FGF2: variants seen among roughly 807,000 people sequenced by gnomAD.
FGF2 encodes the protein basic fibroblast growth factor bFGF.
In FGF2, 13 loss-of-function variants were observed where a neutral mutation model predicts 15.9. The ratio of observed to expected loss-of-function variants is 0.82; its 90% CI spans 0.53 to 1.30. The LOEUF (loss-of-function observed/expected upper bound fraction) is 1.30, where lower values mean the gene tolerates loss of function less well. Among genes scored for constraint, FGF2 ranks in the 50% most tolerant of loss-of-function variants. FGF2 has a pLI of 0.00. For missense variants in FGF2, 163 were observed against 196.9 expected (o/e 0.83, Z 1.03); for synonymous variants, 90 against 78.4 (o/e 1.15, Z -0.78).
rs555465629 is a variant in FGF2, at chr4:122,890,316, A to G, written c.283-1895A>G. On this transcript the variant is annotated intron_variant, in intron 2 of 2. Coordinates refer to ENST00000644866, the MANE Select transcript of FGF2 (RefSeq NM_001361665.2). ...ACAGCACAAGACAGTCCTGTGTTTC[A>G]TATAGCTGGGTCCTGTCAATGTGTG... Among the ~76,000 whole-genome samples the G allele has an allele frequency of 1.3e-3, 191 of 152,338 alleles. 1 individual carries two copies. Among genetic ancestry groups the G allele is most frequent in the African/African-American group, 4.4e-3 (184 of 41,590 alleles).
intron 1 of FGF2, among the ~76,000 whole-genome samples, chr4:122,835,875 C>T (rs1725855708): frequency 1.3e-5 from 2 of 152,190 alleles, no homozygotes. Context: ...ATAACGATTA[C>T]TGTCACAATG....
chr4:122,832,433 C>T lies in FGF2; in HGVS notation c.178+5081C>T, dbSNP rs189876376. On this transcript the variant is annotated intron_variant, in intron 1 of 2. Transcript: ENST00000644866. ...CTAATTTTTGCATTTTTAGTAGAGA[C>T]GGGATTTCACCATGAATTTTCCTGG... is the stretch of plus-strand genomic sequence containing the variant. Among the ~76,000 whole-genome samples the T allele has an allele frequency of 4.1e-3, 529 of 129,218 alleles. 4 individuals are homozygous for T. The highest frequency in any genetic ancestry group is 4.4e-3 in the Non-Finnish European group (292 of 66,760). The allele number at this position is 129,218 out of a possible 152,430, so 84.8% of individuals were successfully genotyped here.
intron 1 of FGF2, among the ~76,000 whole-genome samples, chr4:122,837,822 C>T (rs1455249303): frequency 1.3e-5 from 2 of 152,076 alleles, no homozygotes; most frequent in African/African-American, 4.8e-5. Flanking sequence ...TTCATCTAAG[C>T]TTTTCTCCGA....
At chr4:122,890,564 A>ATTAG (rs1727146774) in intron 2 of FGF2, among the ~76,000 whole-genome samples, 1 of 152,224 alleles carries the variant, frequency 6.6e-6, no homozygotes, top group Admixed American at 6.5e-5. Flanking sequence ...GCTGAGACAC[A>ATTAG]TTAGTCACTT....
chr4:122,834,209 G>C (rs1254990478), intron 1 of FGF2, among the ~76,000 whole-genome samples: 2 of 152,248 alleles, frequency 1.3e-5, no homozygotes, highest in African/African-American at 4.8e-5. Flanking sequence ...CCTGCAAAGG[G>C]CGTGAACTTC....
intron 1 of FGF2, among the ~76,000 whole-genome samples, chr4:122,870,248 A>C (rs756533304): frequency 9.2e-5 from 14 of 152,126 alleles, no homozygotes; most frequent in Non-Finnish European, 1.9e-4. Context: ...CATTTTATTG[A>C]GGATTTTCAC....
chr4:122,837,503 T>C (rs1725890859), intron 1 of FGF2, among the ~76,000 whole-genome samples: 1 of 152,254 alleles, frequency 6.6e-6, no homozygotes, highest in African/African-American at 2.4e-5. Context: ...TTTAATCCAA[T>C]ACTTGCTGCA....
At position 122,827,494 on chromosome 4, in the gene FGF2, G is replaced by A; in HGVS notation, c.178+142G>A. On this transcript the variant is annotated intron_variant, in intron 1 of 2. Coordinates refer to ENST00000644866, the MANE Select transcript of FGF2 (RefSeq NM_001361665.2). This position sits in a 1 kb window ranked among gnomAD's most constrained non-coding sequence, Gnocchi z 4.2. ...GGTTTCTGGCCGCGCGGCCCTCGGC[G>A]GTTTCGGGTTCACCACTCACCCCCT... is the stretch of plus-strand genomic sequence containing the variant. 6.2e-6 allele frequency: 6 copies of A among 963,966 alleles called. No individual in the cohort carries two copies. The highest frequency in any genetic ancestry group is 1.6e-5 in the African/African-American group (1 of 62,164). The allele number at this position is 963,966 out of a possible 1,614,324, so 59.7% of individuals were successfully genotyped here.
Position 122,876,404 on chromosome 4 carries a change from G to T in FGF2, c.262G>T (p.Asp88Tyr). 6.2e-6 allele frequency: 10 copies of T among 1,609,858 alleles called. No homozygotes were observed. Among genetic ancestry groups the T allele is most frequent in the Non-Finnish European group, 8.5e-6 (10 of 1,176,192 alleles). ...CANRYLAMKE[D>Y]GRLLASKCVT... ...TAACCGTTACCTGGCTATGAAGGAAGATGGAAGATTACTGGCTTCTGTAAG... is the reference window on the plus strand; with the variant it reads ...TAACCGTTACCTGGCTATGAAGGAATATGGAAGATTACTGGCTTCTGTAAG... The change falls in exon 2 of 3, where the codon GAT (aspartate) becomes TAT (tyrosine). Residue 88 changes from aspartate to tyrosine, a missense_variant. Physicochemically the swap from Asp to Tyr is radical, Grantham distance 160. Transcript: ENST00000644866.
rs893001965 is a variant in FGF2, at chr4:122,852,696, C to G, written c.179-23625C>G. Among the ~76,000 whole-genome samples the G allele has an allele frequency of 1.2e-4, 18 of 152,264 alleles. 2 individuals are homozygous for G. The highest frequency in any genetic ancestry group is 5.9e-4 in the Admixed American group (9 of 15,304). ...AGTTTTTCATATTTCCAAGTTGAAACCCCCTAAACACAACATTTTTTTCCA... is the reference window on the plus strand; with the variant it reads ...AGTTTTTCATATTTCCAAGTTGAAAGCCCCTAAACACAACATTTTTTTCCA... On this transcript the variant is annotated intron_variant, in intron 1 of 2. Transcript: ENST00000644866.
At chr4:122,885,759 C>T (rs1411289675) in intron 2 of FGF2, among the ~76,000 whole-genome samples, 1 of 151,966 alleles carries the variant, frequency 6.6e-6, no homozygotes, top group Non-Finnish European at 1.5e-5. Context: ...TTTTTCTGTT[C>T]CAGGATACCA....
intron 1 of FGF2, among the ~76,000 whole-genome samples, chr4:122,852,046 C>G (rs571259016): frequency 6.6e-6 from 1 of 152,168 alleles, no homozygotes; most frequent in South Asian, 2.1e-4. Flanking sequence ...TTTATTATTC[C>G]TAAATCTCTC....
At position 122,871,965 on chromosome 4, in the gene FGF2, C is replaced by T. The variant is rs1726746545; in HGVS notation, c.179-4356C>T. ...CCCAAAAGGCCAAAGTGCCTCTTCT[C>T]CTCCAAATGATCGCAATGTCTCTCC... On this transcript the variant is annotated intron_variant, in intron 1 of 2. Transcript: ENST00000644866. Among the ~76,000 whole-genome samples the T allele has an allele frequency of 3.3e-5, 5 of 152,212 alleles. No individual in the cohort carries two copies. In the South Asian group the frequency reaches 1.0e-3, roughly 32 times the overall value.
intron 1 of FGF2, among the ~76,000 whole-genome samples, chr4:122,835,448 T>C (rs916070112): frequency 6.6e-6 from 1 of 152,244 alleles, no homozygotes; most frequent in South Asian, 2.1e-4. Flanking sequence ...GTCTCTGTCT[T>C]GATTCCCCAT....
intron 1 of FGF2, among the ~76,000 whole-genome samples, chr4:122,848,614 C>G (rs761592003): frequency 2.6e-5 from 4 of 152,140 alleles, no homozygotes; most frequent in Non-Finnish European, 4.4e-5. Context: ...GAGCCTGTTT[C>G]TGAGGATATG....
chr4:122,864,572 A>G (rs1414101202), intron 1 of FGF2, among the ~76,000 whole-genome samples: 1 of 152,226 alleles, frequency 6.6e-6, no homozygotes, highest in African/African-American at 2.4e-5. Flanking sequence ...AAGTTGAACA[A>G]GGTTCACATA....
Position 122,874,067 on chromosome 4 carries a change from C to T in FGF2, c.179-2254C>T, listed in dbSNP as rs558954170. 4.6e-5 allele frequency among the ~76,000 whole-genome samples: 7 copies of T among 152,262 alleles called. No homozygotes were observed. In the South Asian group the frequency reaches 6.2e-4, roughly 14 times the overall value. On this transcript the variant is annotated intron_variant, in intron 1 of 2. Transcript: ENST00000644866. The stretch of plus-strand genomic sequence containing the variant: ...AGATGGTGGACCAGAGCTGGGCTAG[C>T]GTTGATTGATAAGGGACAGAAAGAA...
At chr4:122,862,745 A>G (rs1264249168) in intron 1 of FGF2, among the ~76,000 whole-genome samples, 1 of 152,218 alleles carries the variant, frequency 6.6e-6, no homozygotes, top group African/African-American at 2.4e-5. Context: ...AGATGCTTCA[A>G]TTTTGTAGTT....
At chr4:122,884,479 A>G (rs1476108702) in intron 2 of FGF2, 1 of 152,242 alleles carries the variant, frequency 6.6e-6, no homozygotes, top group East Asian at 1.9e-4. Flanking sequence ...TAGGCGACAC[A>G]GTGAGATTCC....
Sources: gnomAD v4.1 joint callset for allele counts (sites outside exome capture counted in the v4.1 genomes callset) on GRCh38, gnomAD v4.1.1 for gene constraint, Gnocchi (gnomAD v3.1) non-coding constraint, MANE v1.5 for transcripts, NCBI Gene and HGNC (gene_info 2026-07-23, HGNC 2026-07-21) for gene names.